Variants in THBS4 observed in about 807,000 individuals in gnomAD.
THBS4 encodes thrombospondin-4.
A neutral mutation model predicts 115.7 loss-of-function variants in THBS4; 90 were observed. That is an observed-to-expected ratio of 0.78 (90% CI 0.66 to 0.93). THBS4 has a LOEUF of 0.93. Among genes scored for constraint, THBS4 ranks in the 40% least tolerant of loss-of-function variants. The pLI, the probability that THBS4 is intolerant of heterozygous loss-of-function variation, is 0.00. For synonymous variants in THBS4, 460 were observed against 479.3 expected, an observed-to-expected ratio of 0.96 and a Z score of 0.53; for missense variants, 1,087 against 1,232.7, an observed-to-expected ratio of 0.88 and a Z score of 1.77.
At chr5:80,066,408 C>T (rs141542979) in intron 9 of THBS4, 1 of 152,142 alleles carries the variant, frequency 6.6e-6, no homozygotes, top group Non-Finnish European at 1.5e-5. Flanking sequence ...TTATTATTAT[C>T]CCCATTTTAC....
intron 17 of THBS4, 109 bp from the exon 18 acceptor site, chr5:80,078,811 AG>A (rs1306152382): frequency 3.2e-5 from 28 of 862,962 alleles, no homozygotes; most frequent in Non-Finnish European, 4.8e-5. Context: ...CTTTATATGG[AG>A]GTCAGACATC....
chr5:79,992,646 A>G (rs996031493), intron 1 of THBS4, among the ~76,000 whole-genome samples: 1 of 152,248 alleles, frequency 6.6e-6, no homozygotes, highest in South Asian at 2.1e-4. Flanking sequence ...TGTCTTAGAC[A>G]TCATAAGGTT....
At chr5:80,058,841 T>A in intron 5 of THBS4, 51 bp downstream of exon 5, 1 of 1,552,568 alleles carries the variant, frequency 6.4e-7, no homozygotes, top group Non-Finnish European at 8.8e-7. Flanking sequence ...TTAGAGCAGC[T>A]CCCCACAAGC....
At chr5:80,004,397 T>G (rs1344093871) in intron 2 of THBS4, among the ~76,000 whole-genome samples, 1 of 152,176 alleles carries the variant, frequency 6.6e-6, no homozygotes, top group African/African-American at 2.4e-5. Context: ...ACCTGGAACA[T>G]CTCTCTGTGT....
chr5:80,077,997 G>A, intron 16 of THBS4, 52 bp from the exon 17 acceptor site: 1 of 1,434,978 alleles, frequency 7.0e-7, no homozygotes, highest in East Asian at 2.5e-5. Context: ...GCCAAGGAGT[G>A]GCGGTGGGTG....
rs138899561 is a variant in THBS4 at position 80,004,058 on chromosome 5, C to A, written n.177+5631C>A. Reference sequence around the variant, plus strand: ...GTGAATGAAGATAAAGGGAACTAAGCGTTACAGCCAAAAGGGTTCTGAAAA... The same window carrying A: ...GTGAATGAAGATAAAGGGAACTAAGAGTTACAGCCAAAAGGGTTCTGAAAA... On this transcript the variant is annotated intron_variant and non_coding_transcript_variant, in intron 2 of 3. Coordinates refer to the THBS4 transcript ENST00000510218. 2.9e-3 allele frequency among the ~76,000 whole-genome samples: 438 copies of A among 152,226 alleles called. 4 individuals are homozygous for A. Among genetic ancestry groups the A allele is most frequent in the African/African-American group, 0.01 (421 of 41,546 alleles).
At position 80,061,838 on chromosome 5, in the gene THBS4, C is replaced by A. The variant is rs1458644301; in HGVS notation, c.1125+6C>A. Reference sequence around the variant, plus strand: ...TTGCCAAGTCAAACAAGCAGGTAGGCTGAAGTCATGGTTTCTATTCATTTC... The same window carrying A: ...TTGCCAAGTCAAACAAGCAGGTAGGATGAAGTCATGGTTTCTATTCATTTC... On this transcript the variant is annotated splice_donor_region_variant and intron_variant, in intron 8 of 21. Coordinates refer to ENST00000350881, the MANE Select transcript of THBS4 (RefSeq NM_003248.6). 1.2e-6 allele frequency: 2 copies of A among 1,604,684 alleles called. No homozygotes were observed. Among genetic ancestry groups the A allele is most frequent in the Non-Finnish European group, 1.7e-6 (2 of 1,174,816 alleles).
chr5:80,080,329 G>A (rs568525443), intron 20 of THBS4: 8 of 444,110 alleles, frequency 1.8e-5, no homozygotes, highest in South Asian at 6.1e-5. Flanking sequence ...ACGACCCAGC[G>A]TTGTGGGGTT....
In THBS4 at chr5:80,083,245, T is replaced by C; in HGVS notation, c.*104T>C. 1 of 984,848 alleles carries C rather than the reference T, an allele frequency of 1.0e-6. No homozygotes were observed. The highest frequency in any genetic ancestry group is 1.6e-6 in the Non-Finnish European group (1 of 619,256). The allele number at this position is 984,848 out of a possible 1,614,324, so 61.0% of individuals were successfully genotyped here. On this transcript the variant is annotated 3_prime_UTR_variant, in exon 22 of 22. Coordinates refer to ENST00000350881, the MANE Select transcript of THBS4 (RefSeq NM_003248.6). Reference sequence around the variant, plus strand: ...CCAACCCAAATATATCAAAACGTTTTATGTGAATGTGGCAATAAAGGAGAA... The same window carrying C: ...CCAACCCAAATATATCAAAACGTTTCATGTGAATGTGGCAATAAAGGAGAA...
At chr5:80,079,303 C>G in intron 19 of THBS4, 45 bp downstream of exon 19, 2 of 1,523,084 alleles carry the variant, frequency 1.3e-6, no homozygotes, top group South Asian at 2.6e-5. Flanking sequence ...TTCTGGACCT[C>G]TCATCTTTTT....
intron 1 of THBS4, among the ~76,000 whole-genome samples, chr5:79,993,399 A>C (rs2151146447): frequency 6.6e-6 from 1 of 152,314 alleles, no homozygotes; most frequent in East Asian, 1.9e-4. Context: ...ACCACACAGA[A>C]AATTGAAGCC....
At chr5:80,072,199 A>C in intron 13 of THBS4, 79 bp from the exon 14 acceptor site, 1 of 1,318,472 alleles carries the variant, frequency 7.6e-7, no homozygotes, top group Non-Finnish European at 1.1e-6. Context: ...GAAGTGACTC[A>C]CCATGCGCCT....
At chr5:80,056,178 G>C in intron 3 of THBS4, 146 bp downstream of exon 3, 2 of 1,036,218 alleles carry the variant, frequency 1.9e-6, no homozygotes, top group Non-Finnish European at 2.7e-6. Context: ...AGCTTGAAAA[G>C]CAAGTGATAG....
intron 2 of THBS4, among the ~76,000 whole-genome samples, chr5:80,015,221 TA>T (rs1410377367): frequency 6.6e-6 from 1 of 152,192 alleles, no homozygotes; most frequent in Admixed American, 6.5e-5. Context: ...AATATCCAGT[TA>T]GGGGATGGGG....
intron 13 of THBS4, among the ~76,000 whole-genome samples, chr5:80,071,448 G>C (rs1040509344): frequency 6.6e-6 from 1 of 152,068 alleles, no homozygotes; most frequent in African/African-American, 2.4e-5. Context: ...TGTCTTGTCA[G>C]AGTGTGTCTT....
At chr5:80,002,946 G>T (rs1831934285) in intron 2 of THBS4, among the ~76,000 whole-genome samples, 2 of 150,352 alleles carry the variant, frequency 1.3e-5, no homozygotes, top group Admixed American at 6.6e-5. Context: ...ACAAAAACAT[G>T]TTGTCTTTCT....
chr5:79,994,576 G>A (rs1425431953), intron 1 of THBS4, among the ~76,000 whole-genome samples: 2 of 152,218 alleles, frequency 1.3e-5, no homozygotes, highest in Non-Finnish European at 2.9e-5. Context: ...CACTTTGGGA[G>A]GGAGGATCAC....
intron 2 of THBS4, 67 bp from the exon 3 acceptor site, chr5:80,055,718 T>C: frequency 6.4e-7 from 1 of 1,562,594 alleles, no homozygotes; most frequent in South Asian, 1.2e-5. Flanking sequence ...TATCACACCA[T>C]TTGTTGACCC....
intron 1 of THBS4, among the ~76,000 whole-genome samples, chr5:79,995,295 A>G (rs10043116): frequency 0.64 from 97,104 of 152,112 alleles, 31,168 homozygotes; most frequent in African/African-American, 0.67. Context: ...CCCATAAACT[A>G]TATTAAATAA....
Sources: allele counts gnomAD v4.1 joint callset (sites outside exome capture counted in the v4.1 genomes callset), GRCh38; gene constraint gnomAD v4.1.1; transcripts MANE v1.5; gene names NCBI Gene and HGNC (gene_info 2026-07-23, HGNC 2026-07-21).